The following HSD17B13 variants were observed in gnomAD, a reference collection of about 807,000 sequenced individuals.
HSD17B13 encodes hydroxysteroid 17-beta dehydrogenase 13, also known as 17-beta-hydroxysteroid dehydrogenase 13.
Under a neutral mutation model 31.1 loss-of-function variants are expected in HSD17B13, and 26 were observed. That is an observed-to-expected ratio of 0.84 (90% confidence interval 0.61 to 1.16). The LOEUF (loss-of-function observed/expected upper bound fraction) is 1.16, where lower values mean the gene tolerates loss of function less well. Ranked by LOEUF, HSD17B13 falls within the 50% of genes most tolerant of loss-of-function variation. The pLI is 0.00. For missense variants in HSD17B13, 374 were observed against 366.5 expected, an observed-to-expected ratio of 1.02 and a Z score of -0.17; for synonymous variants, 141 against 133.7, an observed-to-expected ratio of 1.05 and a Z score of -0.38.
At chr4:87,305,482 C>CT (rs199708469) in intron 6 of HSD17B13, among the ~76,000 whole-genome samples, 174 bp from the exon 7 acceptor site, 38,354 of 145,440 alleles carry the variant, frequency 0.26, 6,081 homozygotes, top group Admixed American at 0.37. Flanking sequence ...CTTTCTTTTT[C>CT]TTTTTTTTTT....
At chr4:87,313,118 G>A (rs1484935321) in intron 5 of HSD17B13, among the ~76,000 whole-genome samples, 21 of 151,916 alleles carry the variant, frequency 1.4e-4, no homozygotes, top group Admixed American at 5.2e-4. Flanking sequence ...AGTACCTATG[G>A]TCTAACACCA....
rs562032640 is a variant in HSD17B13 at position 87,317,866 on chromosome 4, T to C, written c.318+463A>G. On this transcript the variant is annotated intron_variant, in intron 2 of 6. Transcript: ENST00000328546. ...AAAAATGTAAAGTTTGTTAGAGTGC[T>C]TAGTTCATTGTGATTATTTGGTATT... 2.2e-3 allele frequency among the ~76,000 whole-genome samples: 328 copies of C among 152,298 alleles called. 2 individuals carry two copies. The highest frequency in any genetic ancestry group is 7.4e-3 in the African/African-American group (307 of 41,570).
chr4:87,305,355 T>G, intron 6 of HSD17B13, 47 bp from the exon 7 acceptor site: 3 of 1,284,214 alleles, frequency 2.3e-6, no homozygotes, highest in Non-Finnish European at 3.2e-6. Flanking sequence ...ATTTAAAATC[T>G]TTGACAACAG....
In HSD17B13 at chr4:87,305,081, G is replaced by T; in HGVS notation, c.*137C>A. On this transcript the variant is annotated 3_prime_UTR_variant, in exon 7 of 7. Coordinates refer to ENST00000328546, the MANE Select transcript of HSD17B13 (RefSeq NM_178135.5). ...GGAAGACAGGTAATTAATCTTGTTCGTTTGACTGCTGCTAGTGCCAAACCA... is the reference window on the plus strand; with the variant it reads ...GGAAGACAGGTAATTAATCTTGTTCTTTTGACTGCTGCTAGTGCCAAACCA... 2.2e-6 allele frequency: 1 copy of T among 454,246 alleles called. No homozygotes were observed. The highest frequency in any genetic ancestry group is 6.6e-5 in the South Asian group (1 of 15,186). The allele number at this position is 454,246 out of a possible 1,614,324, so 28.1% of individuals were successfully genotyped here.
At chr4:87,311,743 G>A (rs143394963) in intron 5 of HSD17B13, among the ~76,000 whole-genome samples, 399 of 152,348 alleles carry the variant, frequency 2.6e-3, no homozygotes, top group Non-Finnish European at 4.7e-3. Context: ...GCCAGCGAAT[G>A]TTAAAACTTC....
intron 3 of HSD17B13, 107 bp downstream of exon 3, chr4:87,316,985 C>A: frequency 8.9e-7 from 1 of 1,117,792 alleles, no homozygotes; most frequent in South Asian, 1.5e-5. Context: ...TTGATTAAGG[C>A]AAAGATCTGG....
chr4:87,305,414 G>A (rs1181159508), intron 6 of HSD17B13, 106 bp from the exon 7 acceptor site: 11 of 583,508 alleles, frequency 1.9e-5, no homozygotes, highest in Middle Eastern at 4.6e-4. Flanking sequence ...TCTGGTTTGC[G>A]TTTAACTTTC....
Position 87,306,623 on chromosome 4 carries a change from A to C in HSD17B13, c.813-1315T>G, listed in dbSNP as rs145655541. 6.0e-4 allele frequency among the ~76,000 whole-genome samples: 91 copies of C among 152,150 alleles called. 1 individual carries two copies. Among genetic ancestry groups the C allele is most frequent in the Middle Eastern group, 3.4e-3 (1 of 294 alleles). ...ATGAGTAGGCAACTGAAAGGAAGAG[A>C]GTGGCTGGCCCGGTGGCTCACGCCT... On this transcript the variant is annotated intron_variant, in intron 6 of 6. Transcript: ENST00000328546.
chr4:87,318,625 C>T (rs1734713902), intron 1 of HSD17B13, among the ~76,000 whole-genome samples, 189 bp from the exon 2 acceptor site: 1 of 150,752 alleles, frequency 6.6e-6, no homozygotes, highest in Admixed American at 6.6e-5. Context: ...TGGTGAAACC[C>T]CGTCTCTACT....
rs755020585 is a variant in HSD17B13 at position 87,322,837 on chromosome 4, T to C, written c.5A>G (p.Asn2Ser). 1.6e-5 allele frequency: 26 copies of C among 1,613,672 alleles called. No homozygotes were observed. In the Admixed American group the frequency reaches 4.2e-4, roughly 26 times the overall value. M[N>S]IILEILLLLI... Reference sequence around the variant, plus strand: ...AAGCAGAAGGATTTCTAGGATGATGTTCATGGCTTTGCTCTGTCCTCTTCC... The same window carrying C: ...AAGCAGAAGGATTTCTAGGATGATGCTCATGGCTTTGCTCTGTCCTCTTCC... The change falls in exon 1 of 7, where the codon AAC becomes AGC. Residue 2 changes from asparagine to serine, a missense_variant. Asn to Ser is a conservative substitution (Grantham distance 46, BLOSUM62 1). Coordinates refer to ENST00000328546, the MANE Select transcript of HSD17B13 (RefSeq NM_178135.5).
chr4:87,313,228 GAGAATTGTTT>G (rs1054916674), intron 5 of HSD17B13, among the ~76,000 whole-genome samples: 8 of 152,096 alleles, frequency 5.3e-5, no homozygotes, highest in Non-Finnish European at 1.2e-4. Flanking sequence ...GCACTCAACA[GAGAATTGTTT>G]AGTTCTTTTG....
chr4:87,304,960 A>T lies in HSD17B13; in HGVS notation c.*258T>A, dbSNP rs1306011152. ...GGAAAAATAAAATATCTTAAAGAAA[A>T]CCTTTTAAGTATGTTTATGTAAGCA... On this transcript the variant is annotated 3_prime_UTR_variant, in exon 7 of 7. Transcript: ENST00000328546. The T allele has an allele frequency of 3.2e-6, 1 of 312,988 alleles. No homozygotes were observed. The highest frequency in any genetic ancestry group is 5.8e-6 in the Non-Finnish European group (1 of 173,866). The allele number at this position is 312,988 out of a possible 1,614,324, so 19.4% of individuals were successfully genotyped here. A position where few individuals can be genotyped will look rare whatever the true frequency, so the allele number is the denominator to read the frequency against.
At chr4:87,314,641 T>TCACACACA (rs1553956168) in intron 4 of HSD17B13, among the ~76,000 whole-genome samples, 3 of 142,140 alleles carry the variant, frequency 2.1e-5, no homozygotes, top group African/African-American at 7.6e-5. Flanking sequence ...TCTCTCTCTC[T>TCACACACA]CACACACACA....
At position 87,304,318 on chromosome 4, in the gene HSD17B13, AAAAAC is replaced by A. The variant is rs373629300; in HGVS notation, c.*895_*899del. 11 of 156,564 alleles carry A rather than the reference AAAAAC, an allele frequency of 7.0e-5. No individual in the cohort carries two copies. Among genetic ancestry groups the A allele is most frequent in the Non-Finnish European group, 1.1e-4 (8 of 71,736 alleles). 9.7% of individuals were successfully genotyped at this position (156,564 alleles called of 1,614,324 possible). A position where few individuals can be genotyped will look rare whatever the true frequency, so the allele number is the denominator to read the frequency against. The stretch of plus-strand genomic sequence containing the variant: ...AGTGAGACTCCATCTCAAAAAAACA[AAAAAC>A]AAAACAAAACAAAACAAAAACCAAA... On this transcript the variant is annotated 3_prime_UTR_variant, in exon 7 of 7. Coordinates refer to ENST00000328546, the MANE Select transcript of HSD17B13 (RefSeq NM_178135.5).
Position 87,305,092 on chromosome 4 carries a change from G to A in HSD17B13, c.*126C>T, listed in dbSNP as rs1578434541. The A allele has an allele frequency of 2.1e-6, 1 of 483,498 alleles. No individual in the cohort carries two copies. The highest frequency in any genetic ancestry group is 3.5e-6 in the Non-Finnish European group (1 of 285,058). The allele number at this position is 483,498 out of a possible 1,614,324, so 30.0% of individuals were successfully genotyped here. ...AATTAATCTTGTTCGTTTGACTGCT[G>A]CTAGTGCCAAACCAATGTTTTTAAT... On this transcript the variant is annotated 3_prime_UTR_variant, in exon 7 of 7. Coordinates refer to ENST00000328546, the MANE Select transcript of HSD17B13 (RefSeq NM_178135.5).
At chr4:87,315,958 T>A (rs893722055) in intron 3 of HSD17B13, among the ~76,000 whole-genome samples, 1 of 152,158 alleles carries the variant, frequency 6.6e-6, no homozygotes, top group Non-Finnish European at 1.5e-5. Flanking sequence ...TTTTTTGGTT[T>A]GGGGCTTTAT....
At chr4:87,305,669 C>G (rs114907274) in intron 6 of HSD17B13, among the ~76,000 whole-genome samples, 1 of 152,032 alleles carries the variant, frequency 6.6e-6, no homozygotes, top group South Asian at 2.1e-4. Context: ...GCCGAGATCA[C>G]GCCATTGCAC....
chr4:87,311,877 C>T (rs1387291690), intron 5 of HSD17B13, among the ~76,000 whole-genome samples: 2 of 152,200 alleles, frequency 1.3e-5, no homozygotes, highest in African/African-American at 2.4e-5. Context: ...CCGTTCTGCC[C>T]TTTCTCTCCC....
chr4:87,320,235 A>G (rs1734748660), intron 1 of HSD17B13, among the ~76,000 whole-genome samples: 1 of 152,000 alleles, frequency 6.6e-6, no homozygotes, highest in Non-Finnish European at 1.5e-5. Flanking sequence ...AGAATAGGAG[A>G]GTCTTTCACT....
Sources: gnomAD v4.1 joint callset for allele counts (sites outside exome capture counted in the v4.1 genomes callset) on GRCh38, gnomAD v4.1.1 for gene constraint, MANE v1.5 for transcripts, NCBI Gene and HGNC (gene_info 2026-07-23, HGNC 2026-07-21) for gene names.